Variants in CNTNAP2 observed in about 807,000 individuals in gnomAD.
CNTNAP2 encodes the protein contactin-associated protein-like 2.
Under a neutral mutation model 155.2 loss-of-function variants are expected in CNTNAP2, and 98 were observed. That is an observed-to-expected ratio of 0.63 (90% CI 0.54 to 0.75). The LOEUF (loss-of-function observed/expected upper bound fraction) is 0.75, where lower values mean the gene tolerates loss of function less well. Among genes scored for constraint, CNTNAP2 ranks in the 30% least tolerant of loss-of-function variants. The probability of loss-of-function intolerance (pLI) is 0.00; values close to 1 mark genes in which losing one functional copy is unlikely to be tolerated. For missense variants in CNTNAP2, 1,727 were observed against 1,688.1 expected (o/e 1.02, Z -0.40); for synonymous variants, 651 against 631.2 (o/e 1.03, Z -0.47).
chr7:146,612,539 C>T (rs1799155768), intron 1 of CNTNAP2, among the ~76,000 whole-genome samples: 1 of 152,084 alleles, frequency 6.6e-6, no homozygotes, highest in South Asian at 2.1e-4. Flanking sequence ...TTCTTGTTGG[C>T]AGACCTTATT....
At chr7:147,489,069 T>A (rs1798560405) in intron 11 of CNTNAP2, among the ~76,000 whole-genome samples, 1 of 152,246 alleles carries the variant, frequency 6.6e-6, no homozygotes, top group Non-Finnish European at 1.5e-5. Flanking sequence ...CATACATTGT[T>A]TGCTATCACT....
chr7:147,896,551 T>TGG (rs1799780607), intron 13 of CNTNAP2, among the ~76,000 whole-genome samples: 1 of 152,042 alleles, frequency 6.6e-6, no homozygotes, highest in South Asian at 2.1e-4. Flanking sequence ...TGCTGATTGG[T>TGG]CAGGAATGAA....
chr7:147,772,491 C>CACAA (rs1270866097), intron 13 of CNTNAP2, among the ~76,000 whole-genome samples: 31 of 105,678 alleles, frequency 2.9e-4, no homozygotes, highest in Non-Finnish European at 5.2e-4. Context: ...TATACACACA[C>CACAA]AAAAAAAAAA....
intron 3 of CNTNAP2, among the ~76,000 whole-genome samples, chr7:146,976,964 A>G (rs1797923747): frequency 6.6e-6 from 1 of 152,102 alleles, no homozygotes; most frequent in African/African-American, 2.4e-5. Flanking sequence ...CCAGGACAGA[A>G]AGGCGGAGGA....
At chr7:147,878,843 T>A (rs117085534) in intron 13 of CNTNAP2, among the ~76,000 whole-genome samples, 1,672 of 152,306 alleles carry the variant, frequency 0.011, 88 homozygotes, top group Admixed American at 0.091. Context: ...GCTTCTGGGC[T>A]CAGTTTCAAT....
intron 13 of CNTNAP2, among the ~76,000 whole-genome samples, chr7:147,771,237 A>G (rs1797464051): frequency 6.6e-6 from 1 of 152,254 alleles, no homozygotes; most frequent in Non-Finnish European, 1.5e-5. Flanking sequence ...AAGTGAAACC[A>G]TAAAGCTTTT....
At chr7:146,647,365 G>T (rs544245619) in intron 1 of CNTNAP2, among the ~76,000 whole-genome samples, 11 of 84,974 alleles carry the variant, frequency 1.3e-4, no homozygotes, top group Admixed American at 9.4e-4. Context: ...ATTAGTCCAT[G>T]ATGTACACTG....
intron 1 of CNTNAP2, among the ~76,000 whole-genome samples, chr7:146,599,078 C>T (rs1190215484): frequency 1.3e-5 from 2 of 152,006 alleles, no homozygotes; most frequent in African/African-American, 2.4e-5. Flanking sequence ...TAAAAAATAA[C>T]TAATCAAAAT....
intron 1 of CNTNAP2, among the ~76,000 whole-genome samples, chr7:146,163,501 ATATATCTATATATATC>A (rs919959452): frequency 1.9e-4 from 8 of 43,056 alleles, no homozygotes; most frequent in East Asian, 2.7e-3. Context: ...ATCTATATCT[ATATATCTATATATATC>A]TATATATATC....
chr7:147,003,834 T>C (rs1481377430), intron 3 of CNTNAP2, among the ~76,000 whole-genome samples: 2 of 151,920 alleles, frequency 1.3e-5, no homozygotes. Context: ...TCAAGACCAG[T>C]CTGGACTAAT....
chr7:146,508,781 G>A (rs185971445), intron 1 of CNTNAP2, among the ~76,000 whole-genome samples: 212 of 152,248 alleles, frequency 1.4e-3, no homozygotes, highest in African/African-American at 4.8e-3. Flanking sequence ...GGTGATTCAG[G>A]GACAATTGCC....
chr7:147,762,153 T>A (rs1426994867), intron 13 of CNTNAP2, among the ~76,000 whole-genome samples: 3 of 103,858 alleles, frequency 2.9e-5, no homozygotes, highest in African/African-American at 1.7e-4. Flanking sequence ...TCTCTCTCTG[T>A]CTCACACACA....
intron 13 of CNTNAP2, among the ~76,000 whole-genome samples, chr7:147,763,422 T>A (rs1452689812): frequency 1.3e-5 from 2 of 150,772 alleles, no homozygotes; most frequent in Non-Finnish European, 3.0e-5. Flanking sequence ...AATTTTTCTT[T>A]TTTTTTTTTT....
chr7:146,156,735 T>C (rs1798132188), intron 1 of CNTNAP2, among the ~76,000 whole-genome samples: 1 of 152,172 alleles, frequency 6.6e-6, no homozygotes, highest in African/African-American at 2.4e-5. Flanking sequence ...CCTGAGTAGC[T>C]GGGATTACAG....
At chr7:147,621,844 AGAT>A (rs1284586326) in intron 12 of CNTNAP2, among the ~76,000 whole-genome samples, 2 of 152,026 alleles carry the variant, frequency 1.3e-5, no homozygotes, top group Non-Finnish European at 2.9e-5. Context: ...GTAGCTGAAT[AGAT>A]GAAAAAGAAA....
chr7:147,433,211 T>C (rs1433477393), intron 10 of CNTNAP2, among the ~76,000 whole-genome samples: 1 of 152,228 alleles, frequency 6.6e-6, no homozygotes, highest in African/African-American at 2.4e-5. Flanking sequence ...CATCATCCTC[T>C]AAAATACTAT....
At chr7:148,061,882 G>GATAGATAGATAGATAAACAGAT (rs1563185226) in intron 15 of CNTNAP2, among the ~76,000 whole-genome samples, 14 of 90,338 alleles carry the variant, frequency 1.5e-4, no homozygotes, top group East Asian at 7.3e-4. Flanking sequence ...AACAGATATA[G>GATAGATAGATAGATAAACAGAT]ATAGATAGAT....
intron 3 of CNTNAP2, among the ~76,000 whole-genome samples, chr7:146,860,510 C>A (rs1795076494): frequency 6.6e-6 from 1 of 151,998 alleles, no homozygotes; most frequent in African/African-American, 2.4e-5. Flanking sequence ...TATGAAAGTT[C>A]TAGAACAGCC....
At chr7:148,286,481 A>G (rs1246556942) in intron 21 of CNTNAP2, among the ~76,000 whole-genome samples, 1 of 152,226 alleles carries the variant, frequency 6.6e-6, no homozygotes, top group Admixed American at 6.5e-5. Flanking sequence ...ACAATAAGGA[A>G]AGGATTAATA....
Sources: gnomAD v4.1 joint callset for allele counts (sites outside exome capture counted in the v4.1 genomes callset) on GRCh38, gnomAD v4.1.1 for gene constraint, MANE v1.5 for transcripts, NCBI Gene and HGNC (gene_info 2026-07-23, HGNC 2026-07-21) for gene names.